The following WDR27 variants were observed in gnomAD, a reference collection of about 807,000 sequenced individuals.
WDR27 encodes the protein WD repeat domain 27, also known as WD repeat-containing protein 27.
Under a neutral mutation model 114.4 loss-of-function variants are expected in WDR27, and 100 were observed. That is an observed-to-expected ratio of 0.87 (90% confidence interval 0.74 to 1.03). WDR27 has a LOEUF of 1.03. Ranked by LOEUF, WDR27 falls within the 50% of genes least tolerant of loss-of-function variation. The pLI, the probability that WDR27 is intolerant of heterozygous loss-of-function variation, is 0.00. For missense variants in WDR27, 1,129 were observed against 1,092.9 expected (o/e 1.03, Z -0.47); for synonymous variants, 449 against 423.1 (o/e 1.06, Z -0.75).
At chr6:169,644,527 CTG>C (rs1246193583) in intron 16 of WDR27, among the ~76,000 whole-genome samples, 1 of 151,380 alleles carries the variant, frequency 6.6e-6, no homozygotes, top group Non-Finnish European at 1.5e-5. Flanking sequence ...AGGAGTCACA[CTG>C]TGGAAAACCC....
chr6:169,656,985 A>G (rs985199142), intron 13 of WDR27, among the ~76,000 whole-genome samples: 3 of 152,046 alleles, frequency 2.0e-5, no homozygotes, highest in Non-Finnish European at 4.4e-5. Flanking sequence ...CATTCTCACA[A>G]TTTCTCAGAA....
chr6:169,653,801 G>T (rs1405493311), intron 13 of WDR27, among the ~76,000 whole-genome samples: 1 of 152,242 alleles, frequency 6.6e-6, no homozygotes, highest in Non-Finnish European at 1.5e-5. Context: ...CACAGGCTGA[G>T]GATTTGTGTG....
chr6:169,612,624 T>C (rs1810836831), intron 22 of WDR27, among the ~76,000 whole-genome samples: 1 of 91,834 alleles, frequency 1.1e-5, no homozygotes, highest in South Asian at 4.1e-4. Context: ...CGAGACTCTG[T>C]CTAACATAAA....
At chr6:169,478,615 C>T (rs1787529263) in intron 25 of WDR27, among the ~76,000 whole-genome samples, 1 of 151,284 alleles carries the variant, frequency 6.6e-6, no homozygotes, top group African/African-American at 2.4e-5. Context: ...TGTGCCACAA[C>T]AAAGCAATCT....
chr6:169,439,903 GGTAGTTATATTACCA>G, the WDR27 span, among the ~76,000 whole-genome samples: 8 of 149,976 alleles, frequency 5.3e-5, no homozygotes, highest in Non-Finnish European at 1.0e-4. Flanking sequence ...TTATTATATT[GGTAGTTATATTACCA>G]ATATTATTAT....
intron 24 of WDR27, among the ~76,000 whole-genome samples, chr6:169,582,605 A>G (rs1654343001): frequency 6.6e-6 from 1 of 152,080 alleles, no homozygotes; most frequent in Non-Finnish European, 1.5e-5. Context: ...AGTGGCAAAC[A>G]CCTTCATTAT....
chr6:169,690,789 T>C (rs1014401721), intron 1 of WDR27, among the ~76,000 whole-genome samples: 2 of 152,178 alleles, frequency 1.3e-5, no homozygotes, highest in African/African-American at 4.8e-5. Flanking sequence ...CAGTGCAAGG[T>C]GTGACCGTTC....
At chr6:169,524,727 T>C (rs144220951) in intron 25 of WDR27, among the ~76,000 whole-genome samples, 2 of 152,216 alleles carry the variant, frequency 1.3e-5, no homozygotes, top group African/African-American at 4.8e-5. Flanking sequence ...TGAATAACCA[T>C]ATGCAGAAGA....
intron 25 of WDR27, among the ~76,000 whole-genome samples, chr6:169,553,282 C>A (rs1400546937): frequency 6.6e-6 from 1 of 152,110 alleles, no homozygotes; most frequent in Non-Finnish European, 1.5e-5. Context: ...CCCGGCCCAG[C>A]AACGTCTCCC....
At chr6:169,488,894 A>T (rs73789965) in intron 25 of WDR27, among the ~76,000 whole-genome samples, 2,411 of 151,142 alleles carry the variant, frequency 0.016, 61 homozygotes, top group African/African-American at 0.056. Context: ...GGTCACATTA[A>T]TGTAAACTCA....
At chr6:169,657,253 G>A (rs937304949) in intron 13 of WDR27, among the ~76,000 whole-genome samples, 1 of 152,208 alleles carries the variant, frequency 6.6e-6, no homozygotes, top group African/African-American at 2.4e-5. Flanking sequence ...GTGAGACCCA[G>A]GAATGGCACA....
chr6:169,607,393 T>TAC (rs199658563), intron 22 of WDR27, among the ~76,000 whole-genome samples: 5,108 of 99,450 alleles, frequency 0.051, 135 homozygotes, highest in Middle Eastern at 0.094. Flanking sequence ...TGTGTGTGTA[T>TAC]ACACACACAC....
intron 7 of WDR27, chr6:169,664,769 C>A: frequency 1.0e-6 from 1 of 994,492 alleles, no homozygotes; most frequent in Non-Finnish European, 1.2e-6. Flanking sequence ...AAAAGGCTCA[C>A]CTAAAAAATG....
At chr6:169,454,018 C>T (rs1320984711), downstream of WDR27, among the ~76,000 whole-genome samples, 1 of 151,988 alleles carries the variant, frequency 6.6e-6, no homozygotes, top group Non-Finnish European at 1.5e-5. Context: ...TATGTTAATG[C>T]TACAATAACA....
At chr6:169,666,845 C>A (rs1322431695) in intron 6 of WDR27, 1 of 985,376 alleles carries the variant, frequency 1.0e-6, no homozygotes, top group Non-Finnish European at 1.2e-6. Context: ...GAAGGCTCAA[C>A]TTCCCTGGGT....
intron 18 of WDR27, 64 bp downstream of exon 18, chr6:169,638,475 A>C (rs1818290815): frequency 6.3e-7 from 1 of 1,575,662 alleles, no homozygotes; most frequent in Non-Finnish European, 8.6e-7. Flanking sequence ...AAAGAATGAG[A>C]CTTTTGAGAA....
At chr6:169,484,775 C>A (rs1418835820) in intron 25 of WDR27, among the ~76,000 whole-genome samples, 1 of 152,200 alleles carries the variant, frequency 6.6e-6, no homozygotes, top group Non-Finnish European at 1.5e-5. Context: ...TCAAACTATA[C>A]TACAGGGCTA....
Position 169,698,268 on chromosome 6 carries a change from C to T in WDR27, c.-8+3283G>A, listed in dbSNP as rs369835165. On this transcript the variant is annotated intron_variant, in intron 1 of 25. Transcript: ENST00000448612. ...ATGCCTACCTCTGCCTCAGTGTATT[C>T]GGCTTCAATGCCTACCTCTGCCTCA... is the stretch of plus-strand genomic sequence containing the variant. 1.6e-4 allele frequency among the ~76,000 whole-genome samples: 16 copies of T among 98,228 alleles called. No individual in the cohort carries two copies. The East Asian group carries it at 0.012, about 73-fold the overall frequency. The allele number at this position is 98,228 out of a possible 152,430, so 64.4% of individuals were successfully genotyped here.
chr6:169,694,033 G>A (rs1169772212), intron 1 of WDR27, among the ~76,000 whole-genome samples: 7 of 152,166 alleles, frequency 4.6e-5, no homozygotes, highest in African/African-American at 1.7e-4. Context: ...AGTCATGCCG[G>A]GCGCAGTGGC....
Sources: gnomAD v4.1 joint callset for allele counts (sites outside exome capture counted in the v4.1 genomes callset) on GRCh38, gnomAD v4.1.1 for gene constraint, MANE v1.5 for transcripts, NCBI Gene and HGNC (gene_info 2026-07-23, HGNC 2026-07-21) for gene names.